LEPR: variants seen among roughly 807,000 people sequenced by gnomAD.
LEPR encodes the protein OB receptor.
In LEPR, 56 loss-of-function variants were observed where a neutral mutation model predicts 114.7. That is an observed-to-expected ratio of 0.49 (90% CI 0.39 to 0.61). LEPR has a LOEUF of 0.61. Among genes scored for constraint, LEPR ranks in the 20% least tolerant of loss-of-function variants. LEPR has a pLI of 0.00. For synonymous variants in LEPR, 443 were observed against 461.4 expected, an observed-to-expected ratio of 0.96 and a Z score of 0.51; for missense variants, 1,202 against 1,352.9, an observed-to-expected ratio of 0.89 and a Z score of 1.75.
intron 2 of LEPR, among the ~76,000 whole-genome samples, chr1:65,554,118 G>A (rs1205030439): frequency 6.6e-6 from 1 of 152,162 alleles, no homozygotes; most frequent in Non-Finnish European, 1.5e-5. Context: ...GCCAGCTGGA[G>A]CTCTCCTGTA....
intron 2 of LEPR, among the ~76,000 whole-genome samples, chr1:65,506,756 C>G (rs1255934472): frequency 6.6e-6 from 1 of 152,032 alleles, no homozygotes; most frequent in African/African-American, 2.4e-5. Flanking sequence ...GGCTAATTAG[C>G]ATTATCAGTC....
intron 1 of LEPR, chr1:65,421,473 C>T: frequency 1.3e-6 from 2 of 1,536,026 alleles, no homozygotes; most frequent in East Asian, 2.4e-5. Flanking sequence ...GGAAAACATT[C>T]CATTTCTAAT....
chr1:65,571,651 T>C (rs999144414), intron 4 of LEPR, among the ~76,000 whole-genome samples: 7 of 126,678 alleles, frequency 5.5e-5, no homozygotes, highest in African/African-American at 2.2e-4. Context: ...ACCTGTCTAA[T>C]GTTAAAAAAA....
chr1:65,608,152 GT>G (rs11417022), intron 11 of LEPR, among the ~76,000 whole-genome samples: 5,377 of 139,442 alleles, frequency 0.039, 293 homozygotes, highest in African/African-American at 0.13. Context: ...CAGTCCATGG[GT>G]TTTTTTTTTT....
chr1:65,422,496 A>G (rs892074073), intron 1 of LEPR, among the ~76,000 whole-genome samples: 1 of 152,216 alleles, frequency 6.6e-6, no homozygotes, highest in Non-Finnish European at 1.5e-5. Flanking sequence ...TCAGCCATCC[A>G]GTTTGTGGTA....
chr1:65,540,840 A>G (rs554881774), intron 2 of LEPR, among the ~76,000 whole-genome samples: 1 of 150,516 alleles, frequency 6.6e-6, no homozygotes, highest in African/African-American at 2.4e-5. Context: ...TCAGTTTACC[A>G]TTTTTTTTTG....
At chr1:65,588,500 A>G (rs1655471002) in intron 5 of LEPR, among the ~76,000 whole-genome samples, 1 of 152,076 alleles carries the variant, frequency 6.6e-6, no homozygotes, top group Admixed American at 6.6e-5. Flanking sequence ...AACCATCAGT[A>G]TAATAAAGAA....
intron 5 of LEPR, among the ~76,000 whole-genome samples, chr1:65,578,684 A>G (rs1359510765): frequency 6.6e-6 from 1 of 152,232 alleles, no homozygotes; most frequent in Non-Finnish European, 1.5e-5. Flanking sequence ...CTGAATGAAT[A>G]TTGTGGAAGC....
At chr1:65,518,915 TTC>T (rs151080008) in intron 2 of LEPR, among the ~76,000 whole-genome samples, 7,730 of 80,926 alleles carry the variant, frequency 0.096, 306 homozygotes, top group Non-Finnish European at 0.15. Context: ...CTTTCTTTCT[TTC>T]TCTCTTTCTC....
intron 2 of LEPR, among the ~76,000 whole-genome samples, chr1:65,508,671 G>T (rs1648878481): frequency 6.6e-6 from 1 of 151,994 alleles, no homozygotes; most frequent in African/African-American, 2.4e-5. Flanking sequence ...TTGGCTATTT[G>T]GGGTCTTTTG....
At chr1:65,546,922 T>G in intron 2 of LEPR, among the ~76,000 whole-genome samples, 1 of 152,338 alleles carries the variant, frequency 6.6e-6, no homozygotes, top group East Asian at 1.9e-4. Flanking sequence ...TTTTGCCCAT[T>G]CAGTATGATA....
chr1:65,464,933 T>C (rs533140857), intron 2 of LEPR, among the ~76,000 whole-genome samples: 2 of 152,202 alleles, frequency 1.3e-5, no homozygotes, highest in Non-Finnish European at 2.9e-5. Context: ...TCTTTATTAG[T>C]CTTGCTAGCG....
At chr1:65,430,151 C>T (rs1165395349) in intron 2 of LEPR, 6 of 1,023,624 alleles carry the variant, frequency 5.9e-6, no homozygotes, top group East Asian at 2.7e-5. Flanking sequence ...GCTTTATACT[C>T]AAGGCCGTGT....
At chr1:65,433,238 G>GAT in intron 2 of LEPR, 1 of 985,370 alleles carries the variant, frequency 1.0e-6, no homozygotes, top group Non-Finnish European at 1.2e-6. Flanking sequence ...TTCCCGAAGA[G>GAT]ATATAGGAGC....
At chr1:65,505,560 G>GT (rs1178562392) in intron 2 of LEPR, among the ~76,000 whole-genome samples, 2 of 152,062 alleles carry the variant, frequency 1.3e-5, no homozygotes, top group Non-Finnish European at 2.9e-5. Flanking sequence ...GAGGAGACAG[G>GT]TATCATCGTT....
At chr1:65,457,272 A>C (rs1179288479) in intron 2 of LEPR, among the ~76,000 whole-genome samples, 1 of 152,216 alleles carries the variant, frequency 6.6e-6, no homozygotes, top group African/African-American at 2.4e-5. Flanking sequence ...TAAGAATAAG[A>C]AAAATAGAAG....
intron 2 of LEPR, among the ~76,000 whole-genome samples, chr1:65,526,762 A>G (rs1189317859): frequency 1.3e-5 from 2 of 152,146 alleles, no homozygotes. Context: ...GATTAAGATA[A>G]TTTCTGAGGG....
At chr1:65,439,856 G>A (rs1291387872) in intron 2 of LEPR, among the ~76,000 whole-genome samples, 3 of 146,118 alleles carry the variant, frequency 2.1e-5, no homozygotes, top group East Asian at 2.0e-4. Flanking sequence ...AAAGCTGGGC[G>A]CAGTGGCGTG....
At chr1:65,578,275 G>A in intron 5 of LEPR, 1 of 225,276 alleles carries the variant, frequency 4.4e-6, no homozygotes, top group South Asian at 7.5e-5. Flanking sequence ...TTCTTAAGTG[G>A]CTGAGTCACT....
Sources: allele counts gnomAD v4.1 joint callset (sites outside exome capture counted in the v4.1 genomes callset), GRCh38; gene constraint gnomAD v4.1.1; transcripts MANE v1.5; gene names NCBI Gene and HGNC (gene_info 2026-07-23, HGNC 2026-07-21).